PRPF38B: variants seen among roughly 807,000 people sequenced by gnomAD.
PRPF38B encodes the protein pre-mRNA processing factor 38B.
PRPF38B carries 18 observed loss-of-function variants against 67.2 expected under a neutral mutation model. The ratio of observed to expected loss-of-function variants is 0.27; its 90% CI spans 0.19 to 0.40. The LOEUF (loss-of-function observed/expected upper bound fraction) is 0.40. Among genes scored for constraint, PRPF38B ranks in the 10% least tolerant of loss-of-function variants. PRPF38B has a pLI of 1.00. For missense variants in PRPF38B, 544 were observed against 684.9 expected (o/e 0.79, Z 2.30); for synonymous variants, 246 against 234.2 (o/e 1.05, Z -0.46).
chr1:108,700,273 A>C lies in PRPF38B; in HGVS notation c.*253A>C, dbSNP rs1660342791. 1.9e-6 allele frequency: 1 copy of C among 515,722 alleles called. No individual in the cohort carries two copies. Among genetic ancestry groups the C allele is most frequent in the Non-Finnish European group, 3.0e-6 (1 of 330,214 alleles). 31.9% of individuals were successfully genotyped at this position (515,722 alleles called of 1,614,324 possible). A position where few individuals can be genotyped will look rare whatever the true frequency, so the allele number is the denominator to read the frequency against. ...TTTATTGTTTGTTTTTGAAATGTAC[A>C]GTCTGTACATATGTCCTGAAAATGT... On this transcript the variant is annotated 3_prime_UTR_variant, in exon 6 of 6. Coordinates refer to ENST00000370025, the MANE Select transcript of PRPF38B (RefSeq NM_018061.4).
rs192058455 is a variant in PRPF38B, at chr1:108,696,201, G to C, written c.497+7G>C. 6.2e-7 allele frequency: 1 copy of C among 1,611,218 alleles called. No homozygotes were observed. Among genetic ancestry groups the C allele is most frequent in the Non-Finnish European group, 8.5e-7 (1 of 1,178,152 alleles). ...TTGGATTTATGTATATAAGGTGAGC[G>C]TACATTTATGTACATTTCCAGTAAA... On this transcript the variant is annotated splice_region_variant and intron_variant, in intron 3 of 5. Transcript: ENST00000370025.
chr1:108,696,613 T>A, intron 4 of PRPF38B: 1 of 654,240 alleles, frequency 1.5e-6, no homozygotes. Context: ...CTGTGTATTG[T>A]ATTGATCCTG....
rs1660527484 is a variant in PRPF38B at position 108,701,820 on chromosome 1, T to G, written c.*1800T>G. The G allele has an allele frequency of 6.6e-6, 1 of 152,224 alleles. No individual in the cohort carries two copies. Among genetic ancestry groups the G allele is most frequent in the South Asian group, 2.1e-4 (1 of 4,834 alleles). 9.4% of individuals were successfully genotyped at this position (152,224 alleles called of 1,614,324 possible). A position where few individuals can be genotyped will look rare whatever the true frequency, so the allele number is the denominator to read the frequency against. On this transcript the variant is annotated 3_prime_UTR_variant, in exon 6 of 6. Transcript: ENST00000370025. ...TTCTAAAAATGATATGCTTTTTTCT[T>G]TTTTAAGAAAATTCCTTTGTCTTTT...
Position 108,699,648 on chromosome 1 carries a change from A to G in PRPF38B, c.1269A>G (p.Lys423=), listed in dbSNP as rs775465644. 13 of 1,565,746 alleles carry G rather than the reference A, an allele frequency of 8.3e-6. No homozygotes were observed. Among genetic ancestry groups the G allele is most frequent in the Non-Finnish European group, 9.5e-6 (11 of 1,155,344 alleles). Residue 423 remains lysine (K), a synonymous_variant, in exon 6 of 6, where the codon AAA becomes AAG. Coordinates refer to ENST00000370025, the MANE Select transcript of PRPF38B (RefSeq NM_018061.4). ...RDDKRDSKKE[K]KHSRSRSRER... is the part of the protein sequence containing the mutation. ...ACAAAAGAGATTCCAAGAAAGAGAA[A>G]AAACACAGTAGAAGCAGAAGCAGAG...
chr1:108,697,920 C>T (rs775272573), intron 4 of PRPF38B: 2 of 152,232 alleles, frequency 1.3e-5, no homozygotes, highest in Non-Finnish European at 2.9e-5. Context: ...TAACAAATCT[C>T]ACTTTCCTTG....
rs557328102 is a variant in PRPF38B, at chr1:108,696,476, T to C, written c.558+139T>C. 3.4e-5 allele frequency: 25 copies of C among 743,100 alleles called. No individual in the cohort carries two copies. The East Asian group carries it at 6.8e-4, about 20-fold the overall frequency. The allele number at this position is 743,100 out of a possible 1,614,324, so 46.0% of individuals were successfully genotyped here. A position where few individuals can be genotyped will look rare whatever the true frequency, so the allele number is the denominator to read the frequency against. On this transcript the variant is annotated intron_variant, in intron 4 of 5. Coordinates refer to ENST00000370025, the MANE Select transcript of PRPF38B (RefSeq NM_018061.4). ...CAGTGAGATACTTTTGGAATTAATG[T>C]CCTTTTACTGAGACCTGATGGCTTT...
At chr1:108,697,614 A>G (rs1027137771) in intron 4 of PRPF38B, 1 of 151,354 alleles carries the variant, frequency 6.6e-6, no homozygotes, top group East Asian at 1.9e-4. Context: ...TTAAATCACA[A>G]TCTTTAAGGT....
chr1:108,699,169 A>T lies in PRPF38B; in HGVS notation c.790A>T (p.Arg264Trp). ...HVERRRSRSP[R>W]RSLSPRRSPR... The stretch of plus-strand genomic sequence containing the variant: ...TCCCTCCGCCTTCCTTAGGTCTCCA[A>T]GGAGATCTCTGAGTCCACGGAGGTC... Residue 264 changes from arginine to tryptophan, a missense_variant, in exon 6 of 6, where the codon AGG (arginine) becomes TGG (tryptophan). By Grantham distance (101) the Arg-to-Trp change is moderately radical (BLOSUM62 -3). Coordinates refer to ENST00000370025, the MANE Select transcript of PRPF38B (RefSeq NM_018061.4). 2 of 1,604,486 alleles carry T rather than the reference A, an allele frequency of 1.2e-6. No individual in the cohort carries two copies. Among genetic ancestry groups the T allele is most frequent in the Non-Finnish European group, 1.7e-6 (2 of 1,175,942 alleles).
At chr1:108,696,711 T>C in intron 4 of PRPF38B, 2 of 716,384 alleles carry the variant, frequency 2.8e-6, no homozygotes, top group East Asian at 5.4e-5. Context: ...ATACTAATTG[T>C]AGCTTTTTTT....
intron 4 of PRPF38B, chr1:108,696,754 G>A (rs1437531491): frequency 2.8e-6 from 2 of 716,614 alleles, no homozygotes; most frequent in Non-Finnish European, 5.2e-6. Flanking sequence ...TCACCCTCTA[G>A]CTTCTTCCAA....
chr1:108,696,586 C>T, intron 4 of PRPF38B: 1 of 603,920 alleles, frequency 1.7e-6, no homozygotes, highest in Non-Finnish European at 2.9e-6. Flanking sequence ...GGAAAATTTT[C>T]TCTTCTTAAT....
rs1191881851 is a variant in PRPF38B at position 108,699,253 on chromosome 1, G to A, written c.874G>A (p.Asp292Asn). Residue 292 changes from aspartate (D) to asparagine (N), a missense_variant, in exon 6 of 6, where the codon GAC becomes AAC. Asp to Asn is a conservative substitution (Grantham distance 23). Coordinates refer to ENST00000370025, the MANE Select transcript of PRPF38B (RefSeq NM_018061.4). ...GGAGGGCCATGGGTCTTCTAGTTTTGACAGAGAATTAGAAAGAGAGAAAGA... is the reference window on the plus strand; with the variant it reads ...GGAGGGCCATGGGTCTTCTAGTTTTAACAGAGAATTAGAAAGAGAGAAAGA... ...HREGHGSSSFDRELEREKERQ... is the reference protein window; with the variant it reads ...HREGHGSSSFNRELEREKERQ... 1 of 1,614,160 alleles carries A rather than the reference G, an allele frequency of 6.2e-7. No individual in the cohort carries two copies.
At position 108,700,348 on chromosome 1, in the gene PRPF38B, A is replaced by G. The variant is rs1349431715; in HGVS notation, c.*328A>G. 2.5e-5 allele frequency: 5 copies of G among 203,886 alleles called. No individual in the cohort carries two copies. Among genetic ancestry groups the G allele is most frequent in the Non-Finnish European group, 2.9e-5 (3 of 102,026 alleles). The allele number at this position is 203,886 out of a possible 1,614,324, so 12.6% of individuals were successfully genotyped here. A position where few individuals can be genotyped will look rare whatever the true frequency, so the allele number is the denominator to read the frequency against. On this transcript the variant is annotated 3_prime_UTR_variant, in exon 6 of 6. Transcript: ENST00000370025. ...ATGTTGGTTAAATTTGTATAAGGCA[A>G]TAAACTGCCACTAATCTATTTTTGT...
In PRPF38B at chr1:108,699,670, A is replaced by G. The variant is rs1333090797; in HGVS notation, c.1291A>G (p.Arg431Gly). 4 of 1,586,528 alleles carry G rather than the reference A, an allele frequency of 2.5e-6. No homozygotes were observed. Among genetic ancestry groups the G allele is most frequent in the Non-Finnish European group, 3.4e-6 (4 of 1,166,160 alleles). ...GAAAAAACACAGTAGAAGCAGAAGC[A>G]GAGAAAGGAAACACAGAAGTAGGAG... is the stretch of plus-strand genomic sequence containing the variant. ...KEKKHSRSRS[R>G]ERKHRSRSRS... The change falls in exon 6 of 6, where the codon AGA (arginine) becomes GGA (glycine). Residue 431 changes from arginine (R) to glycine (G), a missense_variant. Physicochemically the swap from Arg to Gly is moderately radical, Grantham distance 125. Around this residue, in one of 5 missense-constraint regions of PRPF38B, gnomAD observed 387 missense variants for 386.1 expected, o/e 1.00. Coordinates refer to ENST00000370025, the MANE Select transcript of PRPF38B (RefSeq NM_018061.4).
At position 108,699,540 on chromosome 1, in the gene PRPF38B, A is replaced by G. The variant is rs143637105; in HGVS notation, c.1161A>G (p.Glu387=). ...EREKERERSR[E]RSKEQRSRGE... ...AAAAAGAGAGAGAGCGATCAAGAGA[A>G]AGGTCCAAGGAACAGAGAAGTAGGG... Residue 387 remains glutamate, a synonymous_variant, in exon 6 of 6, where the codon GAA becomes GAG. Coordinates refer to ENST00000370025, the MANE Select transcript of PRPF38B (RefSeq NM_018061.4). 2 of 1,556,186 alleles carry G rather than the reference A, an allele frequency of 1.3e-6. No individual in the cohort carries two copies. Among genetic ancestry groups the G allele is most frequent in the Non-Finnish European group, 1.7e-6 (2 of 1,149,646 alleles).
intron 1 of PRPF38B, 65 bp downstream of exon 1, chr1:108,692,932 C>G: frequency 6.6e-7 from 1 of 1,526,588 alleles, no homozygotes; most frequent in Non-Finnish European, 8.8e-7. Context: ...AGGAAACGGG[C>G]GAAGGCGGCC....
chr1:108,694,747 A>G (rs541914922), intron 1 of PRPF38B, among the ~76,000 whole-genome samples: 1 of 150,608 alleles, frequency 6.6e-6, no homozygotes, highest in Non-Finnish European at 1.5e-5. Flanking sequence ...AAAAAACAGG[A>G]TTTTTTTTTA....
In PRPF38B at chr1:108,701,407, G is replaced by C. The variant is rs1341403043; in HGVS notation, c.*1387G>C. ...ATGGCAGTTCCCTTTGTCAGTGGTTGTTACATGTGTCATTTGATTACTTTG... is the reference window on the plus strand; with the variant it reads ...ATGGCAGTTCCCTTTGTCAGTGGTTCTTACATGTGTCATTTGATTACTTTG... On this transcript the variant is annotated 3_prime_UTR_variant, in exon 6 of 6. Coordinates refer to ENST00000370025, the MANE Select transcript of PRPF38B (RefSeq NM_018061.4). 1.3e-5 allele frequency: 2 copies of C among 152,300 alleles called. No homozygotes were observed. Among genetic ancestry groups the C allele is most frequent in the African/African-American group, 4.8e-5 (2 of 41,462 alleles). 9.4% of individuals were successfully genotyped at this position (152,300 alleles called of 1,614,324 possible). A position where few individuals can be genotyped will look rare whatever the true frequency, so the allele number is the denominator to read the frequency against.
intron 1 of PRPF38B, among the ~76,000 whole-genome samples, chr1:108,695,171 TC>T (rs1304494282): frequency 6.6e-6 from 1 of 152,238 alleles, no homozygotes; most frequent in East Asian, 1.9e-4. Flanking sequence ...TAGAAAATTT[TC>T]TTCAAGTAAT....
Sources: allele counts gnomAD v4.1 joint callset (sites outside exome capture counted in the v4.1 genomes callset), GRCh38; gene constraint gnomAD v4.1.1; regional missense constraint gnomAD v4.1.1; transcripts MANE v1.5; gene names NCBI Gene and HGNC (gene_info 2026-07-23, HGNC 2026-07-21).